The following EPHA6 variants were observed in gnomAD, a reference collection of about 807,000 sequenced individuals.
EPHA6 encodes the protein EPH receptor A6.
EPHA6 carries 50 observed loss-of-function variants against 112.0 expected under a neutral mutation model. The ratio of observed to expected loss-of-function variants is 0.45; its 90% confidence interval spans 0.36 to 0.56. The LOEUF is 0.56. Among genes scored for constraint, EPHA6 ranks in the 20% least tolerant of loss-of-function variants. The probability of loss-of-function intolerance (pLI) is 0.00; values close to 1 mark genes in which losing one functional copy is unlikely to be tolerated. For missense variants in EPHA6, 1,280 were observed against 1,417.4 expected (o/e 0.90, Z 1.56); for synonymous variants, 529 against 490.7 (o/e 1.08, Z -1.03).
chr3:97,442,935 T>A (rs2090189088), intron 6 of EPHA6, among the ~76,000 whole-genome samples: 1 of 152,142 alleles, frequency 6.6e-6, no homozygotes, highest in Non-Finnish European at 1.5e-5. Flanking sequence ...TTCATTCAAG[T>A]AAAAGACTTT....
At chr3:97,350,645 A>G (rs1448623687) in intron 5 of EPHA6, among the ~76,000 whole-genome samples, 1 of 152,138 alleles carries the variant, frequency 6.6e-6, no homozygotes, top group Non-Finnish European at 1.5e-5. Flanking sequence ...TATATATAAC[A>G]GCCTAATCAA....
chr3:97,452,713 C>T (rs1274164731), intron 7 of EPHA6, among the ~76,000 whole-genome samples: 2 of 151,588 alleles, frequency 1.3e-5, no homozygotes, highest in Non-Finnish European at 3.0e-5. Context: ...TAAAAATTTT[C>T]TCAAGATTAA....
chr3:97,074,305 T>A (rs1292855728), intron 3 of EPHA6, among the ~76,000 whole-genome samples: 2 of 152,028 alleles, frequency 1.3e-5, no homozygotes, highest in East Asian at 3.9e-4. Flanking sequence ...AGTATGTCAG[T>A]CAGCACATAT....
At chr3:96,888,900 A>G (rs1328786591) in intron 2 of EPHA6, among the ~76,000 whole-genome samples, 1 of 152,150 alleles carries the variant, frequency 6.6e-6, no homozygotes, top group Non-Finnish European at 1.5e-5. Flanking sequence ...TTGAACTTTT[A>G]TGCTCTGCTT....
intron 5 of EPHA6, among the ~76,000 whole-genome samples, chr3:97,261,064 G>C (rs2108618898): frequency 6.6e-6 from 1 of 152,272 alleles, no homozygotes; most frequent in Non-Finnish European, 1.5e-5. Context: ...AATGTTGATT[G>C]GGAAGGGCAT....
In EPHA6 at chr3:97,309,926, C is replaced by A. The variant is rs532977040; in HGVS notation, c.1606+65639C>A. 4.0e-5 allele frequency among the ~76,000 whole-genome samples: 6 copies of A among 151,694 alleles called. No homozygotes were observed. In the East Asian group the frequency reaches 1.2e-3, roughly 29 times the overall value. The stretch of plus-strand genomic sequence containing the variant: ...ACTGTTTACAGTAACCACTATAAGT[C>A]ACTGAATTACTTTATAATAACTTTG... On this transcript the variant is annotated intron_variant, in intron 5 of 17. Coordinates refer to ENST00000389672, the MANE Select transcript of EPHA6 (RefSeq NM_001080448.3).
chr3:97,137,173 A>T (rs1232958568), intron 3 of EPHA6, among the ~76,000 whole-genome samples: 1 of 152,164 alleles, frequency 6.6e-6, no homozygotes, highest in Admixed American at 6.5e-5. Flanking sequence ...GGTAGCAAAG[A>T]CTTGTCATTT....
intron 5 of EPHA6, among the ~76,000 whole-genome samples, chr3:97,364,134 C>T: frequency 6.6e-6 from 1 of 151,670 alleles, no homozygotes; most frequent in East Asian, 1.9e-4. Context: ...GAAGTGTATG[C>T]TTAAAAATAA....
intron 3 of EPHA6, among the ~76,000 whole-genome samples, chr3:97,192,039 T>A (rs2077320257): frequency 6.6e-6 from 1 of 152,174 alleles, no homozygotes; most frequent in African/African-American, 2.4e-5. Context: ...TGGGGTGAGA[T>A]GATATCTTAT....
intron 10 of EPHA6, among the ~76,000 whole-genome samples, chr3:97,523,444 A>G (rs2092573098): frequency 6.6e-6 from 1 of 152,084 alleles, no homozygotes; most frequent in Non-Finnish European, 1.5e-5. Context: ...TTTGTGGCCT[A>G]TTATCTATCC....
rs67777487 is a variant in EPHA6 at position 97,085,928 on chromosome 3, C to CATAT, written c.1114+97953_1114+97956dup. 4.4e-3 allele frequency among the ~76,000 whole-genome samples: 524 copies of CATAT among 119,480 alleles called. 41 individuals are homozygous for CATAT. The highest frequency in any genetic ancestry group is 0.02 in the African/African-American group (438 of 22,336). 78.4% of individuals were successfully genotyped at this position (119,480 alleles called of 152,430 possible). A position where few individuals can be genotyped will look rare whatever the true frequency, so the allele number is the denominator to read the frequency against. On this transcript the variant is annotated intron_variant, in intron 3 of 17. Transcript: ENST00000389672. ...TTGTGAGCTTTTATATATATGATGT[C>CATAT]ATATATATATATATATATATACACA...
chr3:97,753,844 A>C lies in EPHA6; in HGVS notation c.*5143A>C, dbSNP rs1028314987. On this transcript the variant is annotated 3_prime_UTR_variant, in exon 18 of 18. Transcript: ENST00000389672. ...AAAGTAAACACTCCATCTATTTCTT[A>C]CTGTTAAAAAAAAAGTACTGATGAG... Among the ~76,000 whole-genome samples, 2 of 152,054 alleles carry C rather than the reference A, an allele frequency of 1.3e-5. No individual in the cohort carries two copies. Among genetic ancestry groups the C allele is most frequent in the Non-Finnish European group, 2.9e-5 (2 of 67,990 alleles).
chr3:97,555,444 T>C (rs184606012), intron 11 of EPHA6, among the ~76,000 whole-genome samples: 43,540 of 151,708 alleles, frequency 0.29, 9,941 homozygotes, highest in African/African-American at 0.62. Context: ...GGTATATACC[T>C]AGTAATGGGA....
chr3:97,709,010 C>G (rs970820388), intron 14 of EPHA6, among the ~76,000 whole-genome samples: 1 of 152,186 alleles, frequency 6.6e-6, no homozygotes, highest in Non-Finnish European at 1.5e-5. Flanking sequence ...CATGGAGAAC[C>G]TCTACTAGTG....
chr3:97,456,903 A>C (rs1483133956), intron 7 of EPHA6, among the ~76,000 whole-genome samples: 1 of 152,168 alleles, frequency 6.6e-6, no homozygotes, highest in Non-Finnish European at 1.5e-5. Flanking sequence ...AATTGCCCCA[A>C]ATTTAGTGAA....
intron 3 of EPHA6, among the ~76,000 whole-genome samples, chr3:97,087,535 G>C (rs2046939634): frequency 6.6e-6 from 1 of 152,144 alleles, no homozygotes; most frequent in Non-Finnish European, 1.5e-5. Flanking sequence ...TAGCTAGGCA[G>C]GTGGGTGTTC....
At chr3:97,720,632 A>C (rs769486158) in intron 15 of EPHA6, among the ~76,000 whole-genome samples, 2 of 152,196 alleles carry the variant, frequency 1.3e-5, no homozygotes, top group African/African-American at 2.4e-5. Flanking sequence ...CCTGATGCAC[A>C]TGTTACATCT....
chr3:97,639,480 C>A (rs2093982077), intron 14 of EPHA6, among the ~76,000 whole-genome samples: 1 of 151,990 alleles, frequency 6.6e-6, no homozygotes, highest in African/African-American at 2.4e-5. Flanking sequence ...AAGTGTTATA[C>A]AAATATTCCA....
intron 1 of EPHA6, among the ~76,000 whole-genome samples, chr3:96,859,601 A>T (rs1228287948): frequency 1.3e-5 from 2 of 151,962 alleles, no homozygotes; most frequent in African/African-American, 4.8e-5. Context: ...TATGTTGCTT[A>T]GGCTTGTTTA....
Sources: gnomAD v4.1 joint callset for allele counts (sites outside exome capture counted in the v4.1 genomes callset) on GRCh38, gnomAD v4.1.1 for gene constraint, MANE v1.5 for transcripts, NCBI Gene and HGNC (gene_info 2026-07-23, HGNC 2026-07-21) for gene names.